STIM2: variants seen among roughly 807,000 people sequenced by gnomAD.
STIM2 encodes the protein stromal interaction molecule 2.
STIM2 carries 31 observed loss-of-function variants against 85.8 expected under a neutral mutation model. The observed-to-expected ratio is 0.36, with a 90% CI of 0.27 to 0.49. The LOEUF (loss-of-function observed/expected upper bound fraction) is 0.49, where lower values mean the gene tolerates loss of function less well. Ranked by LOEUF, STIM2 falls within the 20% of genes least tolerant of loss-of-function variation. The pLI, the probability that STIM2 is intolerant of heterozygous loss-of-function variation, is 0.98. For synonymous variants in STIM2, 356 were observed against 331.1 expected (o/e 1.08, Z -0.82); for missense variants, 841 against 927.6 (o/e 0.91, Z 1.21).
chr4:26,873,394 C>A (rs1007617078), intron 1 of STIM2, among the ~76,000 whole-genome samples: 1 of 150,884 alleles, frequency 6.6e-6, no homozygotes, highest in African/African-American at 2.4e-5. Context: ...AGTGAGACTC[C>A]GTCTTTAAAA....
intron 1 of STIM2, among the ~76,000 whole-genome samples, chr4:26,899,743 A>C (rs1238345169): frequency 2.0e-5 from 3 of 152,212 alleles, no homozygotes; most frequent in Admixed American, 2.0e-4. Flanking sequence ...TTGTCTGTAA[A>C]CAACTATTTA....
At chr4:26,891,435 T>C (rs951431212) in intron 1 of STIM2, among the ~76,000 whole-genome samples, 12 of 152,164 alleles carry the variant, frequency 7.9e-5, no homozygotes, top group Admixed American at 7.2e-4. Context: ...GCACTACAGA[T>C]TTCAGACTTG....
intron 1 of STIM2, among the ~76,000 whole-genome samples, chr4:26,906,440 G>GT (rs1211425958): frequency 0.018 from 2,094 of 115,970 alleles, 10 homozygotes; most frequent in Non-Finnish European, 0.022. Context: ...AAGTTTGTTT[G>GT]TTTTTTTTTT....
At chr4:26,910,133 A>C (rs1386936202) in intron 1 of STIM2, among the ~76,000 whole-genome samples, 1 of 152,206 alleles carries the variant, frequency 6.6e-6, no homozygotes, top group East Asian at 1.9e-4. Context: ...TTCTGCACCT[A>C]GTCAACTATT....
chr4:27,007,517 C>T lies in STIM2; in HGVS notation c.982-16C>T, dbSNP rs1728408867. ...TCCCTCTCTCCTTTCTTGCCTCCTT[C>T]CTTTCCTTCTTCTAGGTTCGCATGG... On this transcript the variant is annotated splice_polypyrimidine_tract_variant and intron_variant, in intron 7 of 11. Transcript: ENST00000467087. 4.7e-6 allele frequency: 7 copies of T among 1,488,536 alleles called. No individual in the cohort carries two copies. Among genetic ancestry groups the T allele is most frequent in the Non-Finnish European group, 6.3e-6 (7 of 1,112,978 alleles). The allele number at this position is 1,488,536 out of a possible 1,614,324, so 92.2% of individuals were successfully genotyped here. A position where few individuals can be genotyped will look rare whatever the true frequency, so the allele number is the denominator to read the frequency against.
intron 1 of STIM2, among the ~76,000 whole-genome samples, chr4:26,886,639 G>A (rs1723261236): frequency 6.6e-6 from 1 of 152,172 alleles, no homozygotes; most frequent in Admixed American, 6.5e-5. Flanking sequence ...CACAGGGCTG[G>A]TGTAGAGTAA....
chr4:27,003,248 G>A, intron 7 of STIM2, 144 bp downstream of exon 7: 2 of 742,140 alleles, frequency 2.7e-6, no homozygotes, highest in South Asian at 2.5e-5. Context: ...TATGTTGTTA[G>A]CATTGATCAA....
rs930028329 is a variant in STIM2, at chr4:27,022,716, T to C, written c.1961T>C (p.Val654Ala). The C allele has an allele frequency of 3.1e-6, 5 of 1,614,134 alleles. No individual in the cohort carries two copies. Among genetic ancestry groups the C allele is most frequent in the African/African-American group, 2.7e-5 (2 of 74,948 alleles). ...GTGTCTTGGGGTTCTCCCGACTGTG[T>C]AGGTCTGACAGAAACTAAGAGTATG... Residue 654 changes from valine (V) to alanine (A), a missense_variant, in exon 12 of 12, where the codon GTA becomes GCA. Physicochemically the swap from Val to Ala is moderately conservative, Grantham distance 64 (BLOSUM62 0). Transcript: ENST00000467087.
chr4:26,910,351 C>T (rs1158962565), intron 1 of STIM2, among the ~76,000 whole-genome samples: 3 of 151,656 alleles, frequency 2.0e-5, no homozygotes, highest in Non-Finnish European at 2.9e-5. Flanking sequence ...GGTGAAATCC[C>T]GTCTTTACTA....
chr4:27,015,286 G>A (rs1285167232), intron 10 of STIM2, among the ~76,000 whole-genome samples: 3 of 151,748 alleles, frequency 2.0e-5, no homozygotes, highest in Non-Finnish European at 4.4e-5. Flanking sequence ...CACTGCTCTC[G>A]CATCTTAAAT....
At chr4:26,959,925 C>T (rs988116541) in intron 3 of STIM2, among the ~76,000 whole-genome samples, 8 of 152,116 alleles carry the variant, frequency 5.3e-5, no homozygotes, top group Non-Finnish European at 1.0e-4. Context: ...GAAGTAGTCT[C>T]AGTATTCCTA....
At chr4:26,937,066 G>A (rs930575186) in intron 2 of STIM2, among the ~76,000 whole-genome samples, 54 of 152,200 alleles carry the variant, frequency 3.5e-4, no homozygotes, top group African/African-American at 1.3e-3. Context: ...AGAATTACAG[G>A]CATGAGCCAC....
intron 3 of STIM2, among the ~76,000 whole-genome samples, chr4:26,991,442 A>T (rs1363338307): frequency 1.3e-5 from 2 of 152,100 alleles, no homozygotes; most frequent in Non-Finnish European, 2.9e-5. Flanking sequence ...GAGGGGAATG[A>T]AGAGAAGTTG....
chr4:27,022,498 CTTTG>C lies in STIM2; in HGVS notation c.1764-15_1764-12del, dbSNP rs776667236. On this transcript the variant is annotated splice_polypyrimidine_tract_variant and intron_variant, in intron 11 of 11. Coordinates refer to ENST00000467087, the MANE Select transcript of STIM2 (RefSeq NM_020860.4). ...GAACATACTGATTTAAAATTTGTAC[CTTTG>C]TTTGTGTTTCATTCAGGGAAGTGCC... 1.4e-5 allele frequency: 21 copies of C among 1,548,378 alleles called. No homozygotes were observed. The highest frequency in any genetic ancestry group is 3.7e-5 in the Admixed American group (2 of 54,096).
chr4:27,009,560 G>A (rs375384604), intron 10 of STIM2, among the ~76,000 whole-genome samples: 1 of 152,188 alleles, frequency 6.6e-6, no homozygotes, highest in Admixed American at 6.5e-5. Flanking sequence ...GTATGTACTT[G>A]TATTATTTTG....
At chr4:26,945,598 C>T (rs936588611) in intron 2 of STIM2, among the ~76,000 whole-genome samples, 24 of 152,302 alleles carry the variant, frequency 1.6e-4, no homozygotes, top group Middle Eastern at 3.4e-3. Context: ...TTCTCTACAA[C>T]CTCTCCAGCA....
chr4:26,861,400 C>A, intron 1 of STIM2, 31 bp downstream of exon 1: 1 of 1,282,404 alleles, frequency 7.8e-7, no homozygotes, highest in Non-Finnish European at 9.8e-7. Flanking sequence ...GGGCGGGGCT[C>A]GGCCGGCAGC....
chr4:26,864,440 C>T (rs1252530977), intron 1 of STIM2, among the ~76,000 whole-genome samples: 1 of 151,650 alleles, frequency 6.6e-6, no homozygotes, highest in Non-Finnish European at 1.5e-5. Flanking sequence ...AGGGAGTGAC[C>T]GATCTCATCC....
chr4:26,867,945 G>A (rs146096773), intron 1 of STIM2, among the ~76,000 whole-genome samples: 57 of 152,254 alleles, frequency 3.7e-4, no homozygotes, highest in African/African-American at 1.3e-3. Flanking sequence ...TCTAAATTGG[G>A]GGTAGGGAAC....
Sources: allele counts gnomAD v4.1 joint callset (sites outside exome capture counted in the v4.1 genomes callset), GRCh38; gene constraint gnomAD v4.1.1; transcripts MANE v1.5; gene names NCBI Gene and HGNC (gene_info 2026-07-23, HGNC 2026-07-21).